MCF2L2: variants seen among roughly 807,000 people sequenced by gnomAD.
The protein encoded by MCF2L2 is probable guanine nucleotide exchange factor MCF2L2.
In MCF2L2, 102 loss-of-function variants were observed where a neutral mutation model predicts 150.2. That is an observed-to-expected ratio of 0.68 (90% CI 0.58 to 0.80). MCF2L2 has a LOEUF of 0.80. MCF2L2 is among the 30% of genes least tolerant of loss of function. The pLI, the probability that MCF2L2 is intolerant of heterozygous loss-of-function variation, is 0.00. For synonymous variants in MCF2L2, 465 were observed against 491.3 expected, an observed-to-expected ratio of 0.95 and a Z score of 0.71; for missense variants, 1,256 against 1,372.8, an observed-to-expected ratio of 0.91 and a Z score of 1.34.
Position 183,220,970 on chromosome 3 carries a change from A to G in MCF2L2, c.2302-1046T>C, listed in dbSNP as rs565497256. Reference sequence around the variant, plus strand: ...TCTTTAATGGTATAAGCTATCACTCATCACCCTCTCCCCAAGATCCCATGA... The same window carrying G: ...TCTTTAATGGTATAAGCTATCACTCGTCACCCTCTCCCCAAGATCCCATGA... On this transcript the variant is annotated intron_variant, in intron 20 of 29. Transcript: ENST00000328913. 2.6e-5 allele frequency among the ~76,000 whole-genome samples: 4 copies of G among 152,304 alleles called. No individual in the cohort carries two copies. In the East Asian group the frequency reaches 7.7e-4, roughly 29 times the overall value.
chr3:183,295,312 G>A lies in MCF2L2; in HGVS notation c.1663C>T (p.Pro555Ser), dbSNP rs746644265. 5.0e-6 allele frequency: 8 copies of A among 1,608,116 alleles called. No individual in the cohort carries two copies. In the East Asian group the frequency reaches 1.6e-4, roughly 31 times the overall value. ...TCAAATAACCTACCCGAGGTGGAGGGCTGGCTGGTTTTTGATGACACCCAT... is the reference window on the plus strand; with the variant it reads ...TCAAATAACCTACCCGAGGTGGAGGACTGGCTGGTTTTTGATGACACCCAT... ...PKWVSSKTSQ[P>S]STSVPLARPL... Residue 555 changes from proline to serine, a missense_variant, in exon 13 of 30, where the codon CCC (proline) becomes TCC (serine). Coordinates refer to ENST00000328913, the MANE Select transcript of MCF2L2 (RefSeq NM_015078.4).
intron 3 of MCF2L2, among the ~76,000 whole-genome samples, chr3:183,357,203 G>T (rs1342948592): frequency 2.0e-5 from 3 of 151,910 alleles, no homozygotes; most frequent in African/African-American, 4.8e-5. Context: ...AACAAATAGG[G>T]CCACACAAAT....
intron 15 of MCF2L2, among the ~76,000 whole-genome samples, chr3:183,258,594 T>C (rs73184917): frequency 0.17 from 25,794 of 152,178 alleles, 2,781 homozygotes; most frequent in South Asian, 0.25. Context: ...TTGGGGTCCA[T>C]AGTTTGTTGT....
chr3:183,374,680 A>AAAAAGAAAGAAAGAAAGAAAG (rs1389995766), intron 3 of MCF2L2: 7 of 148,316 alleles, frequency 4.7e-5, no homozygotes, highest in African/African-American at 1.8e-4. Context: ...AAAAAAAAAA[A>AAAAAGAAAGAAAGAAAGAAAG]AAAGAAAGAA....
At chr3:183,311,988 A>G (rs1729398986) in intron 7 of MCF2L2, among the ~76,000 whole-genome samples, 2 of 152,222 alleles carry the variant, frequency 1.3e-5, no homozygotes, top group Non-Finnish European at 2.9e-5. Flanking sequence ...TACATCAAAA[A>G]AAGTATATTT....
chr3:183,274,166 G>A (rs968301679), intron 15 of MCF2L2, among the ~76,000 whole-genome samples: 2 of 151,674 alleles, frequency 1.3e-5, no homozygotes, highest in African/African-American at 4.9e-5. Flanking sequence ...AATGACCTGA[G>A]ATTGTGCCAC....
chr3:183,217,330 G>C (rs1336164726), intron 21 of MCF2L2, among the ~76,000 whole-genome samples: 1 of 147,220 alleles, frequency 6.8e-6, no homozygotes, highest in Non-Finnish European at 1.5e-5. Flanking sequence ...AAAGTAGCTG[G>C]GTGTGGTGGT....
chr3:183,295,542 A>G, intron 12 of MCF2L2, 65 bp from the exon 13 acceptor site: 1 of 1,510,016 alleles, frequency 6.6e-7, no homozygotes, highest in Non-Finnish European at 9.2e-7. Context: ...GACACGAAGC[A>G]TTCCCTTTCT....
chr3:183,375,144 T>C (rs1319732170), intron 3 of MCF2L2: 1 of 152,220 alleles, frequency 6.6e-6, no homozygotes, highest in Non-Finnish European at 1.5e-5. Flanking sequence ...ATCAATAGAA[T>C]AATAAGTTTT....
At chr3:183,299,209 T>A (rs573455569) in intron 11 of MCF2L2, 22 of 152,532 alleles carry the variant, frequency 1.4e-4, no homozygotes, top group African/African-American at 5.3e-4. Context: ...CTGGCAGGCC[T>A]GACTTTAATT....
chr3:183,427,148 G>A (rs1422358498), intron 1 of MCF2L2, among the ~76,000 whole-genome samples: 2 of 152,196 alleles, frequency 1.3e-5, no homozygotes, highest in African/African-American at 4.8e-5. Context: ...TGTCTTTACT[G>A]AGGGAGGTCC....
chr3:183,243,900 G>A (rs1724138463), intron 15 of MCF2L2, among the ~76,000 whole-genome samples: 1 of 152,056 alleles, frequency 6.6e-6, no homozygotes. Context: ...ACTTTGGGAG[G>A]CCAAGGCAGG....
chr3:183,289,236 A>G lies in MCF2L2; in HGVS notation c.1676-16T>C, dbSNP rs1333608037. On this transcript the variant is annotated splice_polypyrimidine_tract_variant and intron_variant, in intron 13 of 29. Transcript: ENST00000328913. Reference sequence around the variant, plus strand: ...GCTAGAGGGACTAAGAGAACCTGCCATTAGTGTGGTTATTTAACTTATAAA... The same window carrying G: ...GCTAGAGGGACTAAGAGAACCTGCCGTTAGTGTGGTTATTTAACTTATAAA... The G allele has an allele frequency of 6.5e-7, 1 of 1,526,904 alleles. No individual in the cohort carries two copies. The highest frequency in any genetic ancestry group is 1.1e-5 in the South Asian group (1 of 88,902). 94.6% of individuals were successfully genotyped at this position (1,526,904 alleles called of 1,614,324 possible).
chr3:183,208,806 G>C (rs1035609827), intron 22 of MCF2L2, among the ~76,000 whole-genome samples: 1 of 151,994 alleles, frequency 6.6e-6, no homozygotes, highest in African/African-American at 2.4e-5. Context: ...TAATTGATTG[G>C]GCATTTTTAT....
chr3:183,349,629 T>C (rs569984215), intron 3 of MCF2L2, among the ~76,000 whole-genome samples: 4 of 152,350 alleles, frequency 2.6e-5, no homozygotes, highest in Non-Finnish European at 5.9e-5. Context: ...GTCAGACTTA[T>C]TTGTTTTCTG....
At chr3:183,359,980 A>C (rs1256591123) in intron 3 of MCF2L2, among the ~76,000 whole-genome samples, 1 of 152,254 alleles carries the variant, frequency 6.6e-6, no homozygotes, top group African/African-American at 2.4e-5. Flanking sequence ...TTTAACATTG[A>C]TTATGAGGCT....
At chr3:183,183,797 C>T (rs1179256962) in intron 27 of MCF2L2, among the ~76,000 whole-genome samples, 1 of 152,048 alleles carries the variant, frequency 6.6e-6, no homozygotes, top group East Asian at 1.9e-4. Flanking sequence ...CTGGGCACTC[C>T]AGGTGTGCTA....
At chr3:183,282,437 C>T (rs1189553599) in intron 14 of MCF2L2, among the ~76,000 whole-genome samples, 1 of 152,132 alleles carries the variant, frequency 6.6e-6, no homozygotes, top group Non-Finnish European at 1.5e-5. Flanking sequence ...ATACTCTAAA[C>T]GCTATTGGCA....
chr3:183,316,309 T>C (rs201152457), intron 7 of MCF2L2, among the ~76,000 whole-genome samples: 26,458 of 151,770 alleles, frequency 0.17, 2,689 homozygotes, highest in African/African-American at 0.27. Flanking sequence ...ATTTTTTTTT[T>C]TTGTTTGTTT....
Sources: allele counts gnomAD v4.1 joint callset (sites outside exome capture counted in the v4.1 genomes callset), GRCh38; gene constraint gnomAD v4.1.1; transcripts MANE v1.5; gene names NCBI Gene and HGNC (gene_info 2026-07-23, HGNC 2026-07-21).